The following CACNA1D variants were observed in gnomAD, a reference collection of about 807,000 sequenced individuals.
CACNA1D encodes the protein calcium voltage-gated channel subunit alpha1 D.
CACNA1D carries 55 observed loss-of-function variants against 257.1 expected under a neutral mutation model. The ratio of observed to expected loss-of-function variants is 0.21; its 90% CI spans 0.17 to 0.27. The LOEUF is 0.27. CACNA1D is among the 10% of genes least tolerant of loss of function. The pLI is 1.00. For missense variants in CACNA1D, 1,876 were observed against 2,784.0 expected (o/e 0.67, Z 7.34); for synonymous variants, 980 against 1,014.9 (o/e 0.97, Z 0.65).
rs201109012 is a variant in CACNA1D at position 53,546,804 on chromosome 3, G to A, written c.483+45084G>A. On this transcript the variant is annotated intron_variant, in intron 3 of 47. Transcript: ENST00000350061. ...CGTCCTAGCAGTGGGCAAGAGACTC[G>A]ACTCTCCTGAATCTCAGTGTTTTTA... is the stretch of plus-strand genomic sequence containing the variant. 1.9e-4 allele frequency among the ~76,000 whole-genome samples: 29 copies of A among 152,284 alleles called. No individual in the cohort carries two copies. The East Asian group carries it at 4.2e-3, about 22-fold the overall frequency.
chr3:53,672,169 G>T, intron 7 of CACNA1D, among the ~76,000 whole-genome samples: 1 of 152,144 alleles, frequency 6.6e-6, no homozygotes, highest in East Asian at 1.9e-4. Flanking sequence ...TAGGGGAATG[G>T]GGTTCCTCAG....
intron 3 of CACNA1D, among the ~76,000 whole-genome samples, chr3:53,601,272 A>G (rs973534500): frequency 1.3e-5 from 2 of 152,124 alleles, no homozygotes; most frequent in African/African-American, 2.4e-5. Flanking sequence ...GCTTCCTGTC[A>G]TATGTACTAA....
chr3:53,749,571 C>T (rs892892120), intron 27 of CACNA1D, 102 bp downstream of exon 27: 2 of 806,088 alleles, frequency 2.5e-6, no homozygotes, highest in African/African-American at 3.4e-5. Flanking sequence ...CACCCACATA[C>T]TGTCTGTCCC....
chr3:53,675,720 C>T (rs2094368922), intron 8 of CACNA1D, among the ~76,000 whole-genome samples: 1 of 152,114 alleles, frequency 6.6e-6, no homozygotes, highest in South Asian at 2.1e-4. Flanking sequence ...CATGGAACAA[C>T]CAGTTTACTG....
At chr3:53,685,161 T>C (rs935368270) in intron 8 of CACNA1D, among the ~76,000 whole-genome samples, 1 of 152,172 alleles carries the variant, frequency 6.6e-6, no homozygotes, top group African/African-American at 2.4e-5. Context: ...ATGGATGAAC[T>C]GTACTAATCC....
chr3:53,718,847 C>A, intron 10 of CACNA1D: 1 of 1,042,184 alleles, frequency 9.6e-7, no homozygotes, highest in Non-Finnish European at 1.4e-6. Flanking sequence ...TTTAAGTTTT[C>A]CTTTGCTCAT....
chr3:53,739,746 C>T (rs1380198116), intron 20 of CACNA1D, among the ~76,000 whole-genome samples: 2 of 152,166 alleles, frequency 1.3e-5, no homozygotes, highest in African/African-American at 4.8e-5. Flanking sequence ...AGCGCATGAG[C>T]AGGGAAGGGT....
At chr3:53,691,794 A>C (rs1243610702) in intron 8 of CACNA1D, among the ~76,000 whole-genome samples, 14 of 75,310 alleles carry the variant, frequency 1.9e-4, no homozygotes, top group Non-Finnish European at 3.4e-4. Context: ...TAATATATAT[A>C]TTACATATAT....
rs559364024 is a variant in CACNA1D, at chr3:53,565,685, T to C, written c.483+63965T>C. Among the ~76,000 whole-genome samples the C allele has an allele frequency of 1.1e-4, 17 of 152,338 alleles. 1 individual carries two copies. The East Asian group carries it at 1.2e-3, about 10-fold the overall frequency. ...TGTGTAGTATGATTTATACTAATCA[T>C]AGTATGTGTGTATGATTGTATAAGG... is the stretch of plus-strand genomic sequence containing the variant. On this transcript the variant is annotated intron_variant, in intron 3 of 47. Coordinates refer to ENST00000350061, the MANE Select transcript of CACNA1D (RefSeq NM_001128840.3).
intron 5 of CACNA1D, among the ~76,000 whole-genome samples, chr3:53,665,092 A>G (rs532621409): frequency 4.6e-5 from 7 of 152,322 alleles, no homozygotes; most frequent in Non-Finnish European, 1.0e-4. Flanking sequence ...TGCATTCATG[A>G]TAAACAGTTT....
rs768526859 is a variant in CACNA1D at position 53,723,495 on chromosome 3, C to T, written c.1728C>T (p.Ser576=). Residue 576 remains serine (S), a synonymous_variant, in exon 13 of 48, where the codon AGC becomes AGT. Transcript: ENST00000350061. The surrounding 1 kb of genome is among the most constrained non-coding windows in gnomAD (Gnocchi z 5.6). The part of the protein sequence containing the change: ...FTCEMLVKMY[S]LGLQAYFVSL... The stretch of plus-strand genomic sequence containing the variant: ...GCGAGATGCTGGTAAAAATGTACAG[C>T]TTGGGCCTCCAAGCATATTTCGTCT... 9.3e-6 allele frequency: 15 copies of T among 1,613,984 alleles called. No homozygotes were observed. Among genetic ancestry groups the T allele is most frequent in the Non-Finnish European group, 1.3e-5 (15 of 1,180,020 alleles).
intron 8 of CACNA1D, among the ~76,000 whole-genome samples, chr3:53,691,900 C>CGT (rs2094531766): frequency 6.3e-5 from 2 of 31,762 alleles, no homozygotes; most frequent in African/African-American, 2.5e-4. Flanking sequence ...ATATATATTA[C>CGT]ATATATTATA....
At chr3:53,525,644 A>G (rs2091736633) in intron 3 of CACNA1D, among the ~76,000 whole-genome samples, 1 of 152,184 alleles carries the variant, frequency 6.6e-6, no homozygotes, top group Non-Finnish European at 1.5e-5. Flanking sequence ...AAGGTGACCT[A>G]TATAATTCCC....
At chr3:53,722,499 T>C (rs200066752) in intron 12 of CACNA1D, 25 bp downstream of exon 12, 2 of 1,613,222 alleles carry the variant, frequency 1.2e-6, no homozygotes, top group Non-Finnish European at 1.7e-6. Flanking sequence ...CATTCCTTTT[T>C]TGTTCTGAAC....
At chr3:53,645,498 G>A (rs2094009427) in intron 3 of CACNA1D, among the ~76,000 whole-genome samples, 1 of 151,998 alleles carries the variant, frequency 6.6e-6, no homozygotes, top group Admixed American at 6.6e-5. Flanking sequence ...TTTGTATATG[G>A]GGTGAGAGAA....
intron 2 of CACNA1D, among the ~76,000 whole-genome samples, chr3:53,498,811 G>C (rs1345616319): frequency 6.6e-6 from 1 of 152,172 alleles, no homozygotes; most frequent in Non-Finnish European, 1.5e-5. Flanking sequence ...CAAATGCTAG[G>C]GTAGGATTTG....
intron 5 of CACNA1D, among the ~76,000 whole-genome samples, chr3:53,660,770 C>G (rs184164720): frequency 6.6e-6 from 1 of 152,180 alleles, no homozygotes; most frequent in East Asian, 1.9e-4. Context: ...ACTGTGCTAC[C>G]CAGCTCTGGG....
chr3:53,786,666 G>C (rs2109107266), intron 39 of CACNA1D, 156 bp from the exon 40 acceptor site: 1 of 671,636 alleles, frequency 1.5e-6, no homozygotes, highest in Non-Finnish European at 2.7e-6. Flanking sequence ...GCTGGTTTGA[G>C]ACCCCTGTGT....
At chr3:53,538,614 A>T (rs1002578) in intron 3 of CACNA1D, among the ~76,000 whole-genome samples, 15,276 of 152,144 alleles carry the variant, frequency 0.1, 2,246 homozygotes, top group African/African-American at 0.32. Context: ...TGGTAGTGTG[A>T]ACCTTCTCAC....
Sources: allele counts gnomAD v4.1 joint callset (sites outside exome capture counted in the v4.1 genomes callset), GRCh38; gene constraint gnomAD v4.1.1; non-coding constraint Gnocchi (gnomAD v3.1); transcripts MANE v1.5; gene names NCBI Gene and HGNC (gene_info 2026-07-23, HGNC 2026-07-21).